RAPH1: variants seen among roughly 807,000 people sequenced by gnomAD.
The protein encoded by RAPH1 is Ras association (RalGDS/AF-6) and pleckstrin homology domains 1.
RAPH1 carries 18 observed loss-of-function variants against 88.1 expected under a neutral mutation model. That is an observed-to-expected ratio of 0.20 (90% confidence interval 0.14 to 0.30). The LOEUF (loss-of-function observed/expected upper bound fraction) is 0.30. Among genes scored for constraint, RAPH1 ranks in the 10% least tolerant of loss-of-function variants. RAPH1 has a pLI of 1.00. For missense variants in RAPH1, 1,448 were observed against 1,543.2 expected, an observed-to-expected ratio of 0.94 and a Z score of 1.03; for synonymous variants, 587 against 559.0, an observed-to-expected ratio of 1.05 and a Z score of -0.71.
chr2:203,479,491 C>G (rs1307748837), intron 4 of RAPH1, among the ~76,000 whole-genome samples: 3 of 151,808 alleles, frequency 2.0e-5, no homozygotes, highest in Non-Finnish European at 2.9e-5. Flanking sequence ...GTAGTCCCAC[C>G]CAGCTACTCC....
At chr2:203,516,347 TA>T (rs537839285) in intron 1 of RAPH1, among the ~76,000 whole-genome samples, 72 of 152,192 alleles carry the variant, frequency 4.7e-4, no homozygotes, top group African/African-American at 1.7e-3. Flanking sequence ...CAAAATGGAA[TA>T]AAAAAACAAG....
chr2:203,478,315 CGAGCCACT>C (rs1687564126), intron 4 of RAPH1, among the ~76,000 whole-genome samples: 1 of 151,834 alleles, frequency 6.6e-6, no homozygotes, highest in Non-Finnish European at 1.5e-5. Flanking sequence ...ATTACAGGCA[CGAGCCACT>C]GAGCCCGGCT....
chr2:203,489,320 A>G (rs895744539), intron 4 of RAPH1, among the ~76,000 whole-genome samples: 1 of 152,168 alleles, frequency 6.6e-6, no homozygotes, highest in Non-Finnish European at 1.5e-5. Context: ...GAAATGACTC[A>G]TATTACAATA....
intron 1 of RAPH1, among the ~76,000 whole-genome samples, chr2:203,533,745 C>T (rs1690491138): frequency 6.6e-6 from 1 of 152,022 alleles, no homozygotes; most frequent in Admixed American, 6.6e-5. Flanking sequence ...ACCGCACCCC[C>T]AAAAAAACCA....
chr2:203,440,343 G>A lies in RAPH1; in HGVS notation c.2847C>T (p.Thr949=). The A allele has an allele frequency of 1.2e-6, 2 of 1,611,374 alleles. No homozygotes were observed. Among genetic ancestry groups the A allele is most frequent in the South Asian group, 1.1e-5 (1 of 90,998 alleles). ...TGCCTGGAGATCCACTTTTGTCAGG[G>A]GTAGGAGAAGCTGTGGGTGGAGGTG... ...PPPPPPTASP[T]PDKSGSPGKK... The change falls in exon 14 of 14, where the codon ACC becomes ACT. Residue 949 remains threonine, a synonymous_variant. Coordinates refer to ENST00000319170, the MANE Select transcript of RAPH1 (RefSeq NM_213589.3).
chr2:203,457,992 A>C (rs879899904), intron 7 of RAPH1, among the ~76,000 whole-genome samples: 2 of 152,202 alleles, frequency 1.3e-5, no homozygotes, highest in African/African-American at 4.8e-5. Flanking sequence ...TAGGTGCAGA[A>C]AATTTATGTT....
At chr2:203,527,800 CAAAAAAA>C (rs59384499) in intron 1 of RAPH1, among the ~76,000 whole-genome samples, 14 of 51,240 alleles carry the variant, frequency 2.7e-4, no homozygotes, top group African/African-American at 6.5e-4. Flanking sequence ...AACTCCATCT[CAAAAAAA>C]AAAAAAAAAA....
chr2:203,444,674 C>G, intron 13 of RAPH1, 194 bp downstream of exon 13: 1 of 448,224 alleles, frequency 2.2e-6, no homozygotes, highest in Non-Finnish European at 3.9e-6. Flanking sequence ...GTAAAATACT[C>G]ATTTCCAAGG....
chr2:203,505,972 T>C (rs928187739), intron 1 of RAPH1, among the ~76,000 whole-genome samples: 4 of 152,190 alleles, frequency 2.6e-5, no homozygotes, highest in African/African-American at 9.7e-5. Context: ...CAACTAGAAG[T>C]AGAAGCTGCA....
chr2:203,448,814 G>T lies in RAPH1; in HGVS notation c.1436C>A (p.Ser479Tyr). Residue 479 changes from serine to tyrosine, a missense_variant, in exon 11 of 14, where the codon TCT (serine) becomes TAT (tyrosine). This residue lies in a region of RAPH1 where 513 missense variants were observed against 653.1 expected (regional missense o/e 0.79). Coordinates refer to ENST00000319170, the MANE Select transcript of RAPH1 (RefSeq NM_213589.3). This position sits in a 1 kb window ranked among gnomAD's most constrained non-coding sequence, Gnocchi z 4.1. Reference protein sequence around the residue: ...VLKHPQIQKKSQYIKYLCCDD... With the variant: ...VLKHPQIQKKYQYIKYLCCDD... Reference sequence around the variant, plus strand: ...ACAACAAAGGTATTTGATATATTGAGATTTCTTCTGGATTTGTGGATGCTG... The same window carrying T: ...ACAACAAAGGTATTTGATATATTGATATTTCTTCTGGATTTGTGGATGCTG... 6.2e-7 allele frequency: 1 copy of T among 1,609,698 alleles called. No individual in the cohort carries two copies. The highest frequency in any genetic ancestry group is 8.5e-7 in the Non-Finnish European group (1 of 1,178,248).
intron 1 of RAPH1, among the ~76,000 whole-genome samples, chr2:203,501,534 A>C (rs1229970153): frequency 1.3e-5 from 2 of 152,206 alleles, no homozygotes; most frequent in Non-Finnish European, 2.9e-5. Flanking sequence ...TTGGGAGGCC[A>C]AGGCGGGCAG....
intron 7 of RAPH1, among the ~76,000 whole-genome samples, chr2:203,457,915 G>A (rs567445436): frequency 6.6e-6 from 1 of 152,268 alleles, no homozygotes; most frequent in East Asian, 1.9e-4. Context: ...CTACGTTAGA[G>A]GATCTGAAAG....
At chr2:203,482,060 G>A (rs1687755952) in intron 4 of RAPH1, among the ~76,000 whole-genome samples, 1 of 151,782 alleles carries the variant, frequency 6.6e-6, no homozygotes, top group African/African-American at 2.4e-5. Context: ...AACAATAAGA[G>A]TCAAGGCATA....
chr2:203,434,756 C>T lies in RAPH1; in HGVS notation c.*4681G>A, dbSNP rs1452322086. The T allele has an allele frequency of 6.6e-6, 1 of 152,308 alleles. No individual in the cohort carries two copies. The highest frequency in any genetic ancestry group is 1.5e-5 in the Non-Finnish European group (1 of 68,024). The allele number at this position is 152,308 out of a possible 1,614,324, so 9.4% of individuals were successfully genotyped here. A position where few individuals can be genotyped will look rare whatever the true frequency, so the allele number is the denominator to read the frequency against. ...CAATCATGAGCTTGGTATTAGTAGC[C>T]ATCCATGATAAACATAATTAATTCT... On this transcript the variant is annotated 3_prime_UTR_variant, in exon 14 of 14. Transcript: ENST00000319170.
chr2:203,450,726 C>T (rs1168337057), intron 10 of RAPH1, among the ~76,000 whole-genome samples: 21 of 152,220 alleles, frequency 1.4e-4, no homozygotes, highest in Non-Finnish European at 2.9e-5. Context: ...CATGGAGGCA[C>T]TGCCTGCAGG....
chr2:203,506,194 G>C (rs137957314), intron 1 of RAPH1, among the ~76,000 whole-genome samples: 1 of 152,082 alleles, frequency 6.6e-6, no homozygotes, highest in African/African-American at 2.4e-5. Flanking sequence ...TTTGGATTAG[G>C]TATTGAATTA....
At chr2:203,495,021 C>T (rs1011594511) in intron 2 of RAPH1, 1 of 472,980 alleles carries the variant, frequency 2.1e-6, no homozygotes, top group Non-Finnish European at 3.7e-6. Context: ...GAGCCTCTCT[C>T]ACAAGTATTT....
In RAPH1 at chr2:203,440,222, G is replaced by A. The variant is rs1221634625; in HGVS notation, c.2968C>T (p.Pro990Ser). 1 of 1,613,934 alleles carries A rather than the reference G, an allele frequency of 6.2e-7. No homozygotes were observed. The highest frequency in any genetic ancestry group is 1.7e-5 in the Admixed American group (1 of 60,012). The change falls in exon 14 of 14, where the codon CCC (proline) becomes TCC (serine). Residue 990 changes from proline to serine, a missense_variant. Physicochemically the swap from Pro to Ser is moderately conservative, Grantham distance 74. Coordinates refer to ENST00000319170, the MANE Select transcript of RAPH1 (RefSeq NM_213589.3). ...SIKSSSGAEHPEPKRPSVDSL... is the reference protein window; with the variant it reads ...SIKSSSGAEHSEPKRPSVDSL... ...TCCACCGAGGGTCTCTTGGGCTCGG[G>A]GTGCTCTGCACCACTGCTGGATTTA...
intron 4 of RAPH1, among the ~76,000 whole-genome samples, chr2:203,475,680 T>C (rs1687387111): frequency 6.6e-6 from 1 of 151,754 alleles, no homozygotes; most frequent in Non-Finnish European, 1.5e-5. Flanking sequence ...CATTATCTGC[T>C]ATCACTTATA....
Sources: allele counts gnomAD v4.1 joint callset (sites outside exome capture counted in the v4.1 genomes callset), GRCh38; gene constraint gnomAD v4.1.1; regional missense constraint gnomAD v4.1.1; non-coding constraint Gnocchi (gnomAD v3.1); transcripts MANE v1.5; gene names NCBI Gene and HGNC (gene_info 2026-07-23, HGNC 2026-07-21).